The following LDLRAP1 variants were observed in gnomAD, a reference collection of about 807,000 sequenced individuals.
LDLRAP1 encodes the protein low density lipoprotein receptor adaptor protein 1.
In LDLRAP1, 30 loss-of-function variants were observed where a neutral mutation model predicts 37.8. The observed-to-expected ratio is 0.79, with a 90% CI of 0.59 to 1.08. LDLRAP1 has a LOEUF of 1.08. Among genes scored for constraint, LDLRAP1 ranks in the 50% least tolerant of loss-of-function variants. The probability of loss-of-function intolerance (pLI) is 0.00; values close to 1 mark genes in which losing one functional copy is unlikely to be tolerated. For synonymous variants in LDLRAP1, 156 were observed against 169.8 expected, an observed-to-expected ratio of 0.92 and a Z score of 0.63; for missense variants, 375 against 401.6, an observed-to-expected ratio of 0.93 and a Z score of 0.57.
chr1:25,575,607 A>G, the LDLRAP1 span, among the ~76,000 whole-genome samples: 1 of 152,032 alleles, frequency 6.6e-6, no homozygotes, highest in African/African-American at 2.4e-5. Flanking sequence ...AAAAACAAAC[A>G]AACAAACAAA....
chr1:25,579,094 T>G, the LDLRAP1 span, among the ~76,000 whole-genome samples: 4 of 152,200 alleles, frequency 2.6e-5, no homozygotes, highest in Non-Finnish European at 4.4e-5. Context: ...CTTGTAGCGC[T>G]TGTCGATTTC....
intron 4 of LDLRAP1, among the ~76,000 whole-genome samples, chr1:25,560,059 G>A (rs2044307067): frequency 6.7e-6 from 1 of 149,698 alleles, no homozygotes; most frequent in African/African-American, 2.5e-5. Context: ...AGTTTGCCAG[G>A]CCGAGAGAAG....
At chr1:25,543,817 C>A (rs1038870103) in intron 1 of LDLRAP1, 31 bp downstream of exon 1, 51 of 1,192,126 alleles carry the variant, frequency 4.3e-5, no homozygotes, top group Non-Finnish European at 5.1e-5. Flanking sequence ...CGGGCCGGGC[C>A]GGGATCGGGC....
At chr1:25,556,429 G>A (rs1281265503) in intron 3 of LDLRAP1, among the ~76,000 whole-genome samples, 2 of 152,178 alleles carry the variant, frequency 1.3e-5, no homozygotes, top group African/African-American at 2.4e-5. Context: ...GGGGCTCCTT[G>A]TTGGGTCCTC....
At chr1:25,566,407 T>C (rs940294986) in intron 8 of LDLRAP1, among the ~76,000 whole-genome samples, 3 of 152,206 alleles carry the variant, frequency 2.0e-5, no homozygotes, top group African/African-American at 7.2e-5. Flanking sequence ...TTTACTTGAC[T>C]CTCCCCTATT....
At chr1:25,580,039 C>CA in the LDLRAP1 span, among the ~76,000 whole-genome samples, 1 of 152,182 alleles carries the variant, frequency 6.6e-6, no homozygotes, top group Non-Finnish European at 1.5e-5. Context: ...GGAGCTCAGG[C>CA]AATCGGCTGG....
the LDLRAP1 span, among the ~76,000 whole-genome samples, chr1:25,580,791 G>A: frequency 6.6e-6 from 1 of 152,170 alleles, no homozygotes; most frequent in African/African-American, 2.4e-5. Flanking sequence ...GATTACAGGT[G>A]TGAGCCACTG....
chr1:25,580,595 C>T, the LDLRAP1 span, among the ~76,000 whole-genome samples: 9 of 152,258 alleles, frequency 5.9e-5, no homozygotes, highest in South Asian at 1.5e-3. Flanking sequence ...GCAGCCTTGA[C>T]GTTTCTGGGA....
At chr1:25,548,206 T>G (rs1253623583) in intron 1 of LDLRAP1, among the ~76,000 whole-genome samples, 2 of 152,322 alleles carry the variant, frequency 1.3e-5, no homozygotes, top group Middle Eastern at 3.4e-3. Flanking sequence ...ACGTTAAATC[T>G]CTTTGCATTT....
At chr1:25,569,035 G>A (rs3924235), downstream of LDLRAP1, 80,391 of 151,934 alleles carry the variant, frequency 0.53, 22,077 homozygotes, top group African/African-American at 0.69. Flanking sequence ...TCCTGGGGTT[G>A]AAGGCCCAGT....
At chr1:25,548,465 A>G (rs1193053646) in intron 1 of LDLRAP1, among the ~76,000 whole-genome samples, 1 of 146,820 alleles carries the variant, frequency 6.8e-6, no homozygotes, top group African/African-American at 2.6e-5. Context: ...CTCCTGCCTC[A>G]GCCTCCCAAG....
chr1:25,570,554 C>T (rs758764746), downstream of LDLRAP1, among the ~76,000 whole-genome samples: 4 of 152,078 alleles, frequency 2.6e-5, no homozygotes, highest in East Asian at 1.9e-4. Context: ...AGGAGGTGCC[C>T]GTTTGTATAT....
At chr1:25,584,214 G>T in the LDLRAP1 span, among the ~76,000 whole-genome samples, 1 of 151,868 alleles carries the variant, frequency 6.6e-6, no homozygotes, top group Non-Finnish European at 1.5e-5. Flanking sequence ...TGGTTATCTG[G>T]CTCCTAGATA....
intron 8 of LDLRAP1, among the ~76,000 whole-genome samples, chr1:25,565,604 G>A (rs2044458840): frequency 6.6e-6 from 1 of 152,126 alleles, no homozygotes; most frequent in South Asian, 2.1e-4. Context: ...AACAGGGGAA[G>A]GGAGAAAGTG....
chr1:25,577,298 G>A, the LDLRAP1 span, among the ~76,000 whole-genome samples: 2 of 152,318 alleles, frequency 1.3e-5, no homozygotes, highest in South Asian at 2.1e-4. Context: ...CAGCTGGGAG[G>A]TGGAGTGGGG....
intron 1 of LDLRAP1, chr1:25,549,881 C>T (rs1382014689): frequency 1.3e-5 from 2 of 152,326 alleles, no homozygotes; most frequent in African/African-American, 2.4e-5. Flanking sequence ...TGTGCACAGA[C>T]CACAGGAGGG....
intron 4 of LDLRAP1, 30 bp downstream of exon 4, chr1:25,557,297 G>T: frequency 6.4e-7 from 1 of 1,565,602 alleles, no homozygotes; most frequent in Non-Finnish European, 8.8e-7. Context: ...GCGGGGACAG[G>T]GTCCAGTGGC....
Position 25,553,910 on chromosome 1 carries a change from G to C in LDLRAP1, c.89-12G>C. On this transcript the variant is annotated splice_polypyrimidine_tract_variant and intron_variant, in intron 1 of 8. Coordinates refer to ENST00000374338, the MANE Select transcript of LDLRAP1 (RefSeq NM_015627.3). The stretch of plus-strand genomic sequence containing the variant: ...GCCGCAGGGTCTGAGGGCCTACCCT[G>C]TGCTACCCCAGAGCTGCCTGAGAAC... 2 of 1,613,174 alleles carry C rather than the reference G, an allele frequency of 1.2e-6. No homozygotes were observed. Among genetic ancestry groups the C allele is most frequent in the South Asian group, 2.2e-5 (2 of 91,044 alleles).
In LDLRAP1 at chr1:25,555,227, C is replaced by G. The variant is rs371244815; in HGVS notation, c.344+255C>G. Among the ~76,000 whole-genome samples the G allele has an allele frequency of 2.0e-5, 3 of 152,348 alleles. No individual in the cohort carries two copies. In the East Asian group the frequency reaches 5.8e-4, roughly 29 times the overall value. ...TGTCATCATCACCAGTTGCAGAAGA[C>G]AGCTGAGCCCACCCGTGCCCTTCCC... On this transcript the variant is annotated intron_variant, in intron 3 of 8. Transcript: ENST00000374338. This position sits in a 1 kb window ranked among gnomAD's most constrained non-coding sequence, Gnocchi z 4.7.
Sources: allele counts gnomAD v4.1 joint callset (sites outside exome capture counted in the v4.1 genomes callset), GRCh38; gene constraint gnomAD v4.1.1; non-coding constraint Gnocchi (gnomAD v3.1); transcripts MANE v1.5; gene names NCBI Gene and HGNC (gene_info 2026-07-23, HGNC 2026-07-21).